Variants in RAPGEF5 observed in about 807,000 individuals in gnomAD.
RAPGEF5 encodes the protein Rap guanine nucleotide exchange factor 5.
RAPGEF5 carries 65 observed loss-of-function variants against 125.2 expected under a neutral mutation model. The ratio of observed to expected loss-of-function variants is 0.52; its 90% CI spans 0.43 to 0.64. The LOEUF is 0.64. Among genes scored for constraint, RAPGEF5 ranks in the 30% least tolerant of loss-of-function variants. RAPGEF5 has a pLI of 0.00. For missense variants in RAPGEF5, 958 were observed against 1,048.1 expected (o/e 0.91, Z 1.19); for synonymous variants, 391 against 385.9 (o/e 1.01, Z -0.16).
intron 6 of RAPGEF5, among the ~76,000 whole-genome samples, chr7:22,277,269 C>A (rs1030003691): frequency 6.6e-6 from 1 of 152,278 alleles, no homozygotes. Flanking sequence ...AGTAGCTGTG[C>A]CCTGGCAGCT....
chr7:22,295,885 G>C (rs1783049237), intron 5 of RAPGEF5, among the ~76,000 whole-genome samples: 1 of 152,084 alleles, frequency 6.6e-6, no homozygotes, highest in African/African-American at 2.4e-5. Flanking sequence ...CGGAATAGCA[G>C]ACTTGAACTT....
At chr7:22,212,401 T>G (rs537337637) in intron 9 of RAPGEF5, among the ~76,000 whole-genome samples, 1 of 152,246 alleles carries the variant, frequency 6.6e-6, no homozygotes, top group East Asian at 1.9e-4. Context: ...CTAGCCAAGG[T>G]CCCTGTTAAA....
At chr7:22,245,177 T>C (rs866317716) in intron 7 of RAPGEF5, among the ~76,000 whole-genome samples, 8 of 152,210 alleles carry the variant, frequency 5.3e-5, no homozygotes, top group African/African-American at 1.9e-4. Flanking sequence ...CTTCCTATCA[T>C]GTTGTTTCAA....
rs186163751 is a variant in RAPGEF5 at position 22,172,141 on chromosome 7, G to A, written c.1205-4993C>T. On this transcript the variant is annotated intron_variant, in intron 11 of 25. Coordinates refer to ENST00000665637, the MANE Select transcript of RAPGEF5 (RefSeq NM_012294.5). ...ATTTTAATTTTTGGGGGTTTTTTTT[G>A]AGATGGAGTCTCACTCTGGCACCCA... 2.3e-3 allele frequency among the ~76,000 whole-genome samples: 343 copies of A among 151,332 alleles called. 3 individuals are homozygous for A. Among genetic ancestry groups the A allele is most frequent in the Admixed American group, 6.0e-3 (91 of 15,194 alleles).
At chr7:22,314,084 T>C (rs757952256) in intron 3 of RAPGEF5, among the ~76,000 whole-genome samples, 2 of 152,196 alleles carry the variant, frequency 1.3e-5, no homozygotes, top group South Asian at 4.1e-4. Context: ...CCTATGTAAA[T>C]GTTAATGTGA....
At chr7:22,254,484 T>A (rs905504058) in intron 7 of RAPGEF5, among the ~76,000 whole-genome samples, 1 of 151,412 alleles carries the variant, frequency 6.6e-6, no homozygotes, top group Non-Finnish European at 1.5e-5. Context: ...GACACATGCC[T>A]GTAATCCCAG....
intron 9 of RAPGEF5, among the ~76,000 whole-genome samples, chr7:22,207,640 C>CAAGCA (rs1424430817): frequency 1.3e-5 from 2 of 152,202 alleles, no homozygotes; most frequent in Non-Finnish European, 2.9e-5. Flanking sequence ...AAGTTGCTTG[C>CAAGCA]TACTTTACTC....
At chr7:22,352,399 C>T (rs566380926) in intron 1 of RAPGEF5, among the ~76,000 whole-genome samples, 3 of 146,400 alleles carry the variant, frequency 2.0e-5, no homozygotes, top group African/African-American at 5.0e-5. Flanking sequence ...GGGAAATGAA[C>T]GATTGTCAGT....
intron 16 of RAPGEF5, among the ~76,000 whole-genome samples, chr7:22,156,557 G>A (rs186586923): frequency 8.7e-4 from 133 of 152,350 alleles, no homozygotes; most frequent in African/African-American, 3.1e-3. Context: ...AATGCAAGGA[G>A]GCTCTAGGCA....
At chr7:22,329,581 T>C (rs1366743827) in intron 1 of RAPGEF5, among the ~76,000 whole-genome samples, 2 of 152,038 alleles carry the variant, frequency 1.3e-5, no homozygotes, top group African/African-American at 4.8e-5. Flanking sequence ...AAAATAAAAA[T>C]AAGTAAAAGT....
chr7:22,203,391 A>G (rs914438186), intron 9 of RAPGEF5, among the ~76,000 whole-genome samples: 2 of 152,238 alleles, frequency 1.3e-5, no homozygotes, highest in Non-Finnish European at 2.9e-5. Context: ...TTACATTTTT[A>G]ACACAGAATG....
intron 7 of RAPGEF5, among the ~76,000 whole-genome samples, chr7:22,235,678 C>T (rs1392971845): frequency 1.3e-5 from 2 of 152,052 alleles, no homozygotes; most frequent in African/African-American, 4.8e-5. Flanking sequence ...AGGCAGAGCC[C>T]AGTTCTTCAT....
chr7:22,349,036 C>A (rs1245391471), intron 1 of RAPGEF5, among the ~76,000 whole-genome samples: 1 of 150,450 alleles, frequency 6.6e-6, no homozygotes, highest in Non-Finnish European at 1.5e-5. Flanking sequence ...GTTGCATGAG[C>A]CAAAATGGTG....
intron 2 of RAPGEF5, 63 bp downstream of exon 2, chr7:22,317,924 T>C (rs1783635689): frequency 1.8e-5 from 27 of 1,541,220 alleles, no homozygotes; most frequent in Non-Finnish European, 2.4e-5. Context: ...AACTTGATAA[T>C]TGTACATCAG....
chr7:22,263,652 C>T (rs1196738304), intron 7 of RAPGEF5, among the ~76,000 whole-genome samples: 1 of 151,666 alleles, frequency 6.6e-6, no homozygotes, highest in Non-Finnish European at 1.5e-5. Context: ...ATTGTTTGAA[C>T]CTGGGAGGCA....
At chr7:22,308,121 G>A (rs1213446018) in intron 5 of RAPGEF5, among the ~76,000 whole-genome samples, 2 of 152,142 alleles carry the variant, frequency 1.3e-5, no homozygotes, top group Non-Finnish European at 2.9e-5. Context: ...GGTACAGATG[G>A]TTAGGCATAG....
chr7:22,194,508 C>T (rs1785099231), intron 9 of RAPGEF5: 1 of 824,120 alleles, frequency 1.2e-6, no homozygotes, highest in African/African-American at 1.9e-5. Flanking sequence ...GCAATCAATA[C>T]ATATATTCAT....
intron 11 of RAPGEF5, among the ~76,000 whole-genome samples, chr7:22,171,655 C>T (rs750792295): frequency 5.3e-5 from 8 of 152,170 alleles, no homozygotes; most frequent in Non-Finnish European, 2.9e-5. Flanking sequence ...TGCGCTACCA[C>T]GCCCGGCTAA....
At chr7:22,206,602 C>G (rs925398720) in intron 9 of RAPGEF5, among the ~76,000 whole-genome samples, 1 of 149,080 alleles carries the variant, frequency 6.7e-6, no homozygotes, top group African/African-American at 2.5e-5. Flanking sequence ...ACTCTGGAGG[C>G]TGAGGTGGGA....
Sources: allele counts gnomAD v4.1 joint callset (sites outside exome capture counted in the v4.1 genomes callset), GRCh38; gene constraint gnomAD v4.1.1; transcripts MANE v1.5; gene names NCBI Gene and HGNC (gene_info 2026-07-23, HGNC 2026-07-21).